ASPM: variants seen among roughly 807,000 people sequenced by gnomAD.
The protein encoded by ASPM is abnormal spindle-like microcephaly-associated protein.
ASPM carries 256 observed loss-of-function variants against 366.4 expected under a neutral mutation model. The observed-to-expected ratio is 0.70, with a 90% CI of 0.63 to 0.77. The LOEUF (loss-of-function observed/expected upper bound fraction) is 0.77, where lower values mean the gene tolerates loss of function less well. ASPM is among the 30% of genes least tolerant of loss of function. The probability of loss-of-function intolerance (pLI) is 0.00; values close to 1 mark genes in which losing one functional copy is unlikely to be tolerated. For missense variants in ASPM, 4,146 were observed against 4,090.4 expected (o/e 1.01, Z -0.37); for synonymous variants, 1,414 against 1,342.9 (o/e 1.05, Z -1.16).
chr1:197,129,298 G>A lies in ASPM; in HGVS notation c.2649C>T (p.Ser883=), dbSNP rs376666952. 3 of 1,612,594 alleles carry A rather than the reference G, an allele frequency of 1.9e-6. No homozygotes were observed. Among genetic ancestry groups the A allele is most frequent in the Non-Finnish European group, 2.5e-6 (3 of 1,179,272 alleles). ...LYRDGHEEAL[S]KFTLKKLLLL... ...ACAATAACTTTTTCAATGTAAACTT[G>A]GACAAAGCTTCTTCATGACCTTAAA... The change falls in exon 9 of 28, where the codon TCC becomes TCT. Residue 883 remains serine (S), a synonymous_variant. Transcript: ENST00000367409.
intron 27 of ASPM, 141 bp downstream of exon 27, chr1:197,086,662 T>A (rs1256693332): frequency 1.6e-5 from 12 of 772,206 alleles, no homozygotes; most frequent in African/African-American, 3.4e-5. Flanking sequence ...TTCTTTTAAA[T>A]TTACCAAACA....
At position 197,104,354 on chromosome 1, in the gene ASPM, G is replaced by A. The variant is rs200202166; in HGVS notation, c.4897C>T (p.Arg1633Cys). 116 of 1,613,042 alleles carry A rather than the reference G, an allele frequency of 7.2e-5. No individual in the cohort carries two copies. The African/African-American group carries it at 9.9e-4, about 14-fold the overall frequency. The change falls in exon 18 of 28, where the codon CGC becomes TGC. Residue 1633 changes from arginine (R) to cysteine (C), a missense_variant. Around this residue, in one of 3 missense-constraint regions of ASPM, gnomAD observed 3,624 missense variants for 3,591.7 expected, o/e 1.01. Transcript: ENST00000367409. ...GACTGCAGCACAATGACAGCAGAGCGTGTTTTCTGGTAAGATGCTAGAACT... is the reference window on the plus strand; with the variant it reads ...GACTGCAGCACAATGACAGCAGAGCATGTTTTCTGGTAAGATGCTAGAACT... ...MKVLASYQKT[R>C]SAVIVLQSAY...
chr1:197,090,501 A>C (rs1656745236), intron 23 of ASPM, 113 bp from the exon 24 acceptor site: 11 of 872,840 alleles, frequency 1.3e-5, no homozygotes, highest in Non-Finnish European at 1.9e-5. Context: ...ACATGATCAC[A>C]TACATTTCAA....
At position 197,102,087 on chromosome 1, in the gene ASPM, A is replaced by G. The variant is rs1192566226; in HGVS notation, c.7164T>C (p.Ala2388=). Residue 2388 remains alanine, a synonymous_variant, in exon 18 of 28, where the codon GCT becomes GCC. Transcript: ENST00000367409. The stretch of plus-strand genomic sequence containing the variant: ...CCCTGAATGCAGCCTGAAGGATCAC[A>G]GCAGAGTGTCTTTGTCTGAGATAAT... ...RQHYLRQRHS[A]VILQAAFRGM... is the part of the protein sequence containing the mutation. 1.2e-6 allele frequency: 2 copies of G among 1,612,884 alleles called. No individual in the cohort carries two copies. The highest frequency in any genetic ancestry group is 1.3e-5 in the African/African-American group (1 of 74,814).
rs1238278968 is a variant in ASPM, at chr1:197,103,555, T to C, written c.5696A>G (p.Gln1899Arg). 16 of 1,613,004 alleles carry C rather than the reference T, an allele frequency of 9.9e-6. No homozygotes were observed. Among genetic ancestry groups the C allele is most frequent in the Non-Finnish European group, 1.3e-5 (15 of 1,179,534 alleles). The change falls in exon 18 of 28, where the codon CAA becomes CGA. Residue 1899 changes from glutamine to arginine, a missense_variant. Physicochemically the swap from Gln to Arg is conservative, Grantham distance 43. Transcript: ENST00000367409. ...AGCAGACTGAATCTTCAAGGCAGCT[T>C]GATGTTCCCTTCTAATCTGTTTCCG... is the stretch of plus-strand genomic sequence containing the variant. ...KVRKQIRREH[Q>R]AALKIQSAFR... is the part of the protein sequence containing the mutation.
At position 197,142,649 on chromosome 1, in the gene ASPM, G is replaced by A; in HGVS notation, c.1603C>T (p.Gln535Ter). Reference sequence around the variant, plus strand: ...GAATGAAAATCTTCTTTTTCCTTTTGATTATTTATTACTTTTTCATGTTCA... The same window carrying A: ...GAATGAAAATCTTCTTTTTCCTTTTAATTATTTATTACTTTTTCATGTTCA... ...VGEHEKVINN[Q>*]KEKEDFHSYL... Residue 535 changes from glutamine to a stop codon, truncating the protein, a stop_gained, in exon 3 of 28, where the codon CAA becomes TAA. Coordinates refer to ENST00000367409, the MANE Select transcript of ASPM (RefSeq NM_018136.5). LOFTEE classifies it high-confidence loss of function. The A allele has an allele frequency of 6.2e-7, 1 of 1,611,878 alleles. No homozygotes were observed. Among genetic ancestry groups the A allele is most frequent in the Non-Finnish European group, 8.5e-7 (1 of 1,178,504 alleles).
Position 197,117,850 on chromosome 1 carries a change from A to G in ASPM, c.4004T>C (p.Leu1335Ser). 6.2e-7 allele frequency: 1 copy of G among 1,613,234 alleles called. No individual in the cohort carries two copies. The highest frequency in any genetic ancestry group is 1.3e-5 in the African/African-American group (1 of 75,004). Residue 1335 changes from leucine (L) to serine (S), a missense_variant, in exon 17 of 28, where the codon TTA becomes TCA. Leu to Ser is a moderately radical substitution (Grantham distance 145). This residue lies in a region of ASPM where 3,624 missense variants were observed against 3,591.7 expected (regional missense o/e 1.01). Coordinates refer to ENST00000367409, the MANE Select transcript of ASPM (RefSeq NM_018136.5). ...YWRRVLAQRK[L>S]LMLKKEKLEK... ...CAGCTTTTCCTTTTTTAACATTAAT[A>G]ATTTTCTCTGTGCTAAGACTCTTCG...
intron 17 of ASPM, among the ~76,000 whole-genome samples, chr1:197,107,671 G>A (rs1348592004): frequency 6.6e-6 from 1 of 152,104 alleles, no homozygotes. Context: ...GCTACAACAA[G>A]TTGAAACTAA....
Position 197,144,054 on chromosome 1 carries a change from T to G in ASPM, c.344A>C (p.Glu115Ala). 1 of 1,610,224 alleles carries G rather than the reference T, an allele frequency of 6.2e-7. No individual in the cohort carries two copies. The highest frequency in any genetic ancestry group is 1.1e-5 in the South Asian group (1 of 90,970). Reference protein sequence around the residue: ...VISVNWTPLKEGRVREIMTFL... With the variant: ...VISVNWTPLKAGRVREIMTFL... ...TGTCATAATCTCTCTTACTCGGCCT[T>G]CTTTGAGTGGTGTCCAGTTAACAGA... Residue 115 changes from glutamate (E) to alanine (A), a missense_variant, in exon 2 of 28, where the codon GAA becomes GCA. Around this residue, in one of 3 missense-constraint regions of ASPM, gnomAD observed 512 missense variants for 471.7 expected, o/e 1.09. Transcript: ENST00000367409.
chr1:197,144,208 A>T lies in ASPM; in HGVS notation c.298-108T>A, dbSNP rs549714509. ...TAGGGCTTAATAATTGTTAACCAAC[A>T]CTCTATATACTAAACATTTAATAAA... On this transcript the variant is annotated intron_variant, in intron 1 of 27. Coordinates refer to ENST00000367409, the MANE Select transcript of ASPM (RefSeq NM_018136.5). 11 of 734,028 alleles carry T rather than the reference A, an allele frequency of 1.5e-5. No individual in the cohort carries two copies. In the South Asian group the frequency reaches 1.6e-4, roughly 10 times the overall value. The allele number at this position is 734,028 out of a possible 1,614,324, so 45.5% of individuals were successfully genotyped here.
In ASPM at chr1:197,142,445, G is replaced by T. The variant is rs760397539; in HGVS notation, c.1807C>A (p.His603Asn). 8.1e-6 allele frequency: 13 copies of T among 1,613,748 alleles called. No homozygotes were observed. The highest frequency in any genetic ancestry group is 1.6e-4 in the Middle Eastern group (1 of 6,082). Residue 603 changes from histidine to asparagine, a missense_variant, in exon 3 of 28, where the codon CAT (histidine) becomes AAT (asparagine). Around this residue, in one of 3 missense-constraint regions of ASPM, gnomAD observed 3,624 missense variants for 3,591.7 expected, o/e 1.01. Coordinates refer to ENST00000367409, the MANE Select transcript of ASPM (RefSeq NM_018136.5). ...HTEVREIKRI[H>N]FSPSEPKTSA... is the part of the protein sequence containing the mutation. ...GTTTTAGGCTCTGAGGGAGAAAAAT[G>T]GATTCTTTTGATTTCTCGCACTTCT...
chr1:197,117,779 G>C lies in ASPM; in HGVS notation c.4065+10C>G, dbSNP rs773900113. On this transcript the variant is annotated intron_variant, in intron 17 of 27. Coordinates refer to ENST00000367409, the MANE Select transcript of ASPM (RefSeq NM_018136.5). The stretch of plus-strand genomic sequence containing the variant: ...TTTTTAAATTCAAAAATTAGTCCAG[G>C]ATACTATACCTGAATAAGTGATGCT... 6.2e-7 allele frequency: 1 copy of C among 1,604,238 alleles called. No homozygotes were observed. The highest frequency in any genetic ancestry group is 1.7e-5 in the Admixed American group (1 of 58,742).
intron 18 of ASPM, 54 bp from the exon 19 acceptor site, chr1:197,096,218 T>C: frequency 2.1e-6 from 3 of 1,417,066 alleles, no homozygotes; most frequent in Non-Finnish European, 2.0e-6. Context: ...TTTTTTTTTG[T>C]AAATAAGACA....
rs1445878853 is a variant in ASPM at position 197,090,903 on chromosome 1, A to G, written c.9583T>C (p.Phe3195Leu). 2 of 1,613,404 alleles carry G rather than the reference A, an allele frequency of 1.2e-6. No homozygotes were observed. Among genetic ancestry groups the G allele is most frequent in the African/African-American group, 2.7e-5 (2 of 74,984 alleles). The change falls in exon 23 of 28, where the codon TTT becomes CTT. Residue 3195 changes from phenylalanine to leucine, a missense_variant. Around this residue, in one of 3 missense-constraint regions of ASPM, gnomAD observed 3,624 missense variants for 3,591.7 expected, o/e 1.01. Coordinates refer to ENST00000367409, the MANE Select transcript of ASPM (RefSeq NM_018136.5). ...TTTTCCTGCTTTTTACGGAGGAGAAAATGGCGCACTGCTTTCTGTATTACT... is the reference window on the plus strand; with the variant it reads ...TTTTCCTGCTTTTTACGGAGGAGAAGATGGCGCACTGCTTTCTGTATTACT... The part of the protein sequence containing the change: ...ASVIQKAVRH[F>L]LLRKKQEKFT...
rs916525097 is a variant in ASPM, at chr1:197,146,630, A to T, written c.-193T>A. 32 of 642,690 alleles carry T rather than the reference A, an allele frequency of 5.0e-5. No individual in the cohort carries two copies. The highest frequency in any genetic ancestry group is 4.2e-4 in the Middle Eastern group (1 of 2,382). 39.8% of individuals were successfully genotyped at this position (642,690 alleles called of 1,614,324 possible). ...GAAAACAAGCCCAATAAACTCGCAA[A>T]TTAAAAAGAGGAGCCAAACAAGTAT... On this transcript the variant is annotated 5_prime_UTR_variant, in exon 1 of 28. Transcript: ENST00000367409.
Position 197,103,852 on chromosome 1 carries a change from T to A in ASPM, c.5399A>T (p.Gln1800Leu). ...AQVNQRKNFL[Q>L]VKKAATCLQA... ...CAAGCAAGTAGCTGCTTTTTTGACT[T>A]GCAAGAAGTTCTTCCTCTGATTGAC... The change falls in exon 18 of 28, where the codon CAA becomes CTA. Residue 1800 changes from glutamine (Q) to leucine (L), a missense_variant. This residue lies in a region of ASPM where 3,624 missense variants were observed against 3,591.7 expected (regional missense o/e 1.01). Coordinates refer to ENST00000367409, the MANE Select transcript of ASPM (RefSeq NM_018136.5). 6.2e-7 allele frequency: 1 copy of A among 1,612,998 alleles called. No homozygotes were observed. The highest frequency in any genetic ancestry group is 1.1e-5 in the South Asian group (1 of 91,074).
chr1:197,097,857 T>C (rs1445847495), intron 18 of ASPM, among the ~76,000 whole-genome samples: 2 of 151,600 alleles, frequency 1.3e-5, no homozygotes, highest in Non-Finnish European at 3.0e-5. Context: ...AGTTATAAGT[T>C]ACTAGTTTTT....
chr1:197,095,990 T>C lies in ASPM; in HGVS notation c.8987+8A>G, dbSNP rs1656962153. On this transcript the variant is annotated splice_region_variant and intron_variant, in intron 19 of 27. Coordinates refer to ENST00000367409, the MANE Select transcript of ASPM (RefSeq NM_018136.5). The stretch of plus-strand genomic sequence containing the variant: ...TTTTACACTCTCCACAGAACTATGA[T>C]ACATTACCGTGTTCTCTCTAGTTTG... 6 of 1,601,544 alleles carry C rather than the reference T, an allele frequency of 3.7e-6. No individual in the cohort carries two copies. The highest frequency in any genetic ancestry group is 2.2e-5 in the South Asian group (2 of 90,646).
In ASPM at chr1:197,086,890, T is replaced by C. The variant is rs770468054; in HGVS notation, c.10244A>G (p.Glu3415Gly). ...LTAHKHKMNT[E>G]RILYKQKKNS... The stretch of plus-strand genomic sequence containing the variant: ...CTTCTTTTGCTTGTAAAGTATTCTT[T>C]CAGTATTCATTTTATGTTTATGAGC... Residue 3415 changes from glutamate (E) to glycine (G), a missense_variant, in exon 27 of 28, where the codon GAA becomes GGA. Glu to Gly is a moderately conservative substitution (Grantham distance 98). Coordinates refer to ENST00000367409, the MANE Select transcript of ASPM (RefSeq NM_018136.5). 7 of 1,611,644 alleles carry C rather than the reference T, an allele frequency of 4.3e-6. No homozygotes were observed. The highest frequency in any genetic ancestry group is 5.1e-6 in the Non-Finnish European group (6 of 1,178,568).
Sources: allele counts gnomAD v4.1 joint callset (sites outside exome capture counted in the v4.1 genomes callset), GRCh38; gene constraint gnomAD v4.1.1; regional missense constraint gnomAD v4.1.1; transcripts MANE v1.5; gene names NCBI Gene and HGNC (gene_info 2026-07-23, HGNC 2026-07-21).